Variants in LRRC4C observed in about 807,000 individuals in gnomAD.
The protein encoded by LRRC4C is leucine-rich repeat-containing protein 4C.
In LRRC4C, 5 loss-of-function variants were observed where a neutral mutation model predicts 33.6. That is an observed-to-expected ratio of 0.15 (90% CI 0.08 to 0.31). The LOEUF is 0.31. Ranked by LOEUF, LRRC4C falls within the 10% of genes least tolerant of loss-of-function variation. LRRC4C has a pLI of 1.00. For missense variants in LRRC4C, 560 were observed against 796.7 expected (o/e 0.70, Z 3.58); for synonymous variants, 329 against 302.0 (o/e 1.09, Z -0.93).
chr11:40,624,580 A>G (rs1041049775), intron 3 of LRRC4C, among the ~76,000 whole-genome samples: 2 of 152,136 alleles, frequency 1.3e-5, no homozygotes, highest in African/African-American at 4.8e-5. Context: ...AAATGGGCCA[A>G]CCTGATTCAC....
At chr11:40,858,010 A>AGGGACG (rs1953880121) in intron 2 of LRRC4C, among the ~76,000 whole-genome samples, 1 of 77,516 alleles carries the variant, frequency 1.3e-5, no homozygotes, top group African/African-American at 3.6e-5. Flanking sequence ...GGACAGGGAC[A>AGGGACG]AGGAAAGGAA....
chr11:40,377,029 A>G (rs1185805416), intron 3 of LRRC4C, among the ~76,000 whole-genome samples: 2 of 152,140 alleles, frequency 1.3e-5, no homozygotes, highest in African/African-American at 4.8e-5. Flanking sequence ...TATTTCCAAA[A>G]TAACATTTGA....
At chr11:40,647,529 G>C (rs1942540750) in intron 3 of LRRC4C, among the ~76,000 whole-genome samples, 1 of 152,126 alleles carries the variant, frequency 6.6e-6, no homozygotes, top group Admixed American at 6.5e-5. Context: ...ACTGCCACTT[G>C]TTTTGAGTCA....
At chr11:41,277,510 T>C (rs1949522095) in intron 1 of LRRC4C, among the ~76,000 whole-genome samples, 1 of 152,192 alleles carries the variant, frequency 6.6e-6, no homozygotes, top group African/African-American at 2.4e-5. Flanking sequence ...CTCATCCCTG[T>C]ATTTTGTCAT....
At chr11:40,511,368 G>A (rs1197125854) in intron 3 of LRRC4C, among the ~76,000 whole-genome samples, 2 of 152,140 alleles carry the variant, frequency 1.3e-5, no homozygotes, top group East Asian at 3.9e-4. Flanking sequence ...TGGCCTAGAA[G>A]CAGAAATCAA....
At chr11:40,848,474 T>G (rs1176401999) in intron 2 of LRRC4C, among the ~76,000 whole-genome samples, 2 of 152,222 alleles carry the variant, frequency 1.3e-5, no homozygotes, top group African/African-American at 2.4e-5. Context: ...TTCTTAATTC[T>G]GAGTTCTAAT....
Position 40,481,738 on chromosome 11 carries a change from C to G in LRRC4C, c.-269-162017G>C, listed in dbSNP as rs117303381. 8.3e-4 allele frequency among the ~76,000 whole-genome samples: 126 copies of G among 151,996 alleles called. 2 individuals carry two copies. In the East Asian group the frequency reaches 0.02, roughly 24 times the overall value. ...TTTTTACAATTTTCTTTGTTATGTT[C>G]TTTTATTTTTGGTAGGTGTTTGTTT... On this transcript the variant is annotated intron_variant, in intron 3 of 6. Coordinates refer to ENST00000528697, the MANE Select transcript of LRRC4C (RefSeq NM_001258419.2).
At chr11:40,762,576 C>T (rs775794000) in intron 2 of LRRC4C, among the ~76,000 whole-genome samples, 1 of 151,948 alleles carries the variant, frequency 6.6e-6, no homozygotes, top group Non-Finnish European at 1.5e-5. Context: ...GAGTCTGTTC[C>T]CCTGTCATAG....
chr11:40,431,097 TA>T (rs1555056636), intron 3 of LRRC4C, among the ~76,000 whole-genome samples: 45 of 11,772 alleles, frequency 3.8e-3, no homozygotes, highest in African/African-American at 8.8e-3. Context: ...TAAAGTATAA[TA>T]AAAAAAAAAA....
At chr11:41,297,862 G>A (rs181903040) in intron 1 of LRRC4C, among the ~76,000 whole-genome samples, 4 of 152,248 alleles carry the variant, frequency 2.6e-5, no homozygotes, top group Admixed American at 1.3e-4. Flanking sequence ...AGAAATAACA[G>A]ATGATTGACA....
intron 3 of LRRC4C, among the ~76,000 whole-genome samples, chr11:40,457,622 C>T (rs1565408131): frequency 6.6e-6 from 1 of 151,122 alleles, no homozygotes; most frequent in East Asian, 1.9e-4. Context: ...GAGTTAAATT[C>T]AGTCCTTTAA....
intron 4 of LRRC4C, among the ~76,000 whole-genome samples, chr11:40,288,581 G>A (rs1943995568): frequency 6.6e-6 from 1 of 152,172 alleles, no homozygotes; most frequent in South Asian, 2.1e-4. Flanking sequence ...GAAATTATGA[G>A]CAATGACCAT....
intron 1 of LRRC4C, 47 bp downstream of exon 1, chr11:41,459,384 C>T (rs969683028): frequency 6.6e-6 from 1 of 152,084 alleles, no homozygotes; most frequent in African/African-American, 2.4e-5. Flanking sequence ...AAAACACAAA[C>T]ATTGCAAGAC....
At chr11:40,819,330 T>C (rs558516806) in intron 2 of LRRC4C, among the ~76,000 whole-genome samples, 2 of 152,180 alleles carry the variant, frequency 1.3e-5, no homozygotes, top group African/African-American at 4.8e-5. Context: ...CTGAGAGGCA[T>C]TTACAGATGA....
intron 1 of LRRC4C, among the ~76,000 whole-genome samples, chr11:40,981,615 A>G (rs1852546592): frequency 6.6e-6 from 1 of 152,186 alleles, no homozygotes; most frequent in Non-Finnish European, 1.5e-5. Flanking sequence ...ATATTCATGC[A>G]CACATACATA....
At chr11:41,331,586 A>G (rs1368441898) in intron 1 of LRRC4C, among the ~76,000 whole-genome samples, 1 of 152,056 alleles carries the variant, frequency 6.6e-6, no homozygotes, top group African/African-American at 2.4e-5. Flanking sequence ...TTCTTAATAC[A>G]CCAATTTTAT....
At chr11:40,474,339 C>G (rs1396741151) in intron 3 of LRRC4C, among the ~76,000 whole-genome samples, 1 of 152,092 alleles carries the variant, frequency 6.6e-6, no homozygotes, top group Non-Finnish European at 1.5e-5. Flanking sequence ...GGAAAAGATT[C>G]CCTATTTAAT....
At chr11:40,423,445 C>T (rs571061747) in intron 3 of LRRC4C, among the ~76,000 whole-genome samples, 181 of 149,176 alleles carry the variant, frequency 1.2e-3, no homozygotes, top group Middle Eastern at 3.5e-3. Context: ...CCCGGGTTCA[C>T]GCCATTCTCC....
chr11:40,287,143 A>G (rs1284093554), intron 4 of LRRC4C, among the ~76,000 whole-genome samples: 1 of 152,108 alleles, frequency 6.6e-6, no homozygotes, highest in African/African-American at 2.4e-5. Context: ...GTTGAATTGT[A>G]CAAAATGTCA....
Sources: gnomAD v4.1 joint callset for allele counts (sites outside exome capture counted in the v4.1 genomes callset) on GRCh38, gnomAD v4.1.1 for gene constraint, MANE v1.5 for transcripts, NCBI Gene and HGNC (gene_info 2026-07-23, HGNC 2026-07-21) for gene names.